RBFOX1: variants seen among roughly 807,000 people sequenced by gnomAD.
The protein encoded by RBFOX1 is RNA binding protein fox-1 homolog 1.
In RBFOX1, 8 loss-of-function variants were observed where a neutral mutation model predicts 57.7. The observed-to-expected ratio is 0.14, with a 90% CI of 0.08 to 0.25. The LOEUF is 0.25. RBFOX1 is among the 10% of genes least tolerant of loss of function. The pLI, the probability that RBFOX1 is intolerant of heterozygous loss-of-function variation, is 1.00. For missense variants in RBFOX1, 611 were observed against 548.5 expected (o/e 1.11, Z -1.14); for synonymous variants, 326 against 222.4 (o/e 1.47, Z -4.15).
chr16:5,553,488 T>G (rs998619099), intron 2 of RBFOX1, among the ~76,000 whole-genome samples: 1 of 151,954 alleles, frequency 6.6e-6, no homozygotes, highest in Non-Finnish European at 1.5e-5. Context: ...GCTAATTTTT[T>G]GTATTTTTAG....
rs143060420 is a variant in RBFOX1, at chr16:5,359,618, G to A, written c.220-107598G>A. ...TTGTCATTTTTAGGTCTGCTTTTGA[G>A]ATATGTCTATTCAAATCTTTTGCCT... On this transcript the variant is annotated intron_variant, in intron 1 of 2. Coordinates refer to the RBFOX1 transcript ENST00000585867. Among the ~76,000 whole-genome samples, 313 of 152,300 alleles carry A rather than the reference G, an allele frequency of 2.1e-3. 3 individuals are homozygous for A. Among genetic ancestry groups the A allele is most frequent in the South Asian group, 0.018 (89 of 4,824 alleles).
chr16:7,038,907 A>C (rs2045324235), intron 3 of RBFOX1, among the ~76,000 whole-genome samples: 1 of 152,228 alleles, frequency 6.6e-6, no homozygotes, highest in Non-Finnish European at 1.5e-5. Flanking sequence ...AGGTTTGTTC[A>C]AATTCTGTGG....
intron 4 of RBFOX1, among the ~76,000 whole-genome samples, chr16:7,300,359 C>T (rs1248181719): frequency 6.6e-6 from 1 of 152,146 alleles, no homozygotes; most frequent in Non-Finnish European, 1.5e-5. Flanking sequence ...TTTGAACAAG[C>T]CAGTGACTCA....
intron 1 of RBFOX1, among the ~76,000 whole-genome samples, chr16:5,298,033 T>C (rs931671620): frequency 1.3e-5 from 2 of 148,976 alleles, no homozygotes; most frequent in Non-Finnish European, 2.9e-5. Flanking sequence ...TTGAATTAAC[T>C]TTTTGCAGTC....
At chr16:6,872,322 C>T (rs934903599) in intron 3 of RBFOX1, among the ~76,000 whole-genome samples, 1 of 152,124 alleles carries the variant, frequency 6.6e-6, no homozygotes, top group Non-Finnish European at 1.5e-5. Context: ...GTCTCCCTCT[C>T]TTCCTTCCTC....
chr16:6,589,340 G>T (rs1439036930), intron 2 of RBFOX1, among the ~76,000 whole-genome samples: 1 of 152,180 alleles, frequency 6.6e-6, no homozygotes, highest in Non-Finnish European at 1.5e-5. Context: ...AGACCAGCGT[G>T]TTGTTATTAC....
intron 3 of RBFOX1, among the ~76,000 whole-genome samples, chr16:6,863,555 A>T (rs1304646633): frequency 6.6e-6 from 1 of 151,810 alleles, no homozygotes. Flanking sequence ...TACATAGATA[A>T]ATGTAAATAA....
At chr16:7,593,614 G>T (rs546673604) in intron 7 of RBFOX1, among the ~76,000 whole-genome samples, 2 of 152,162 alleles carry the variant, frequency 1.3e-5, no homozygotes, top group South Asian at 4.1e-4. Flanking sequence ...TCTCGATACA[G>T]TTCACCCTTG....
At chr16:6,900,537 C>T (rs983125437) in intron 3 of RBFOX1, among the ~76,000 whole-genome samples, 3 of 152,218 alleles carry the variant, frequency 2.0e-5, no homozygotes, top group African/African-American at 7.2e-5. Context: ...TCTCAACACT[C>T]ATCTGCTTCT....
intron 4 of RBFOX1, among the ~76,000 whole-genome samples, chr16:7,272,192 TA>T (rs1296249922): frequency 2.0e-5 from 3 of 152,206 alleles, no homozygotes; most frequent in African/African-American, 7.2e-5. Context: ...TTCCCTATTT[TA>T]TTTTTTTTGA....
intron 3 of RBFOX1, among the ~76,000 whole-genome samples, chr16:5,614,609 A>G (rs2047951297): frequency 6.6e-6 from 1 of 152,160 alleles, no homozygotes; most frequent in Non-Finnish European, 1.5e-5. Context: ...ATTATAGACG[A>G]TACATCTCCC....
chr16:7,143,704 A>C (rs770210423), intron 4 of RBFOX1, among the ~76,000 whole-genome samples: 2 of 151,922 alleles, frequency 1.3e-5, no homozygotes, highest in African/African-American at 4.8e-5. Context: ...AACTTCTCCA[A>C]AGTCCTTCAT....
At chr16:5,979,689 C>G (rs560515530) in intron 4 of RBFOX1, among the ~76,000 whole-genome samples, 2 of 152,002 alleles carry the variant, frequency 1.3e-5, no homozygotes, top group Non-Finnish European at 2.9e-5. Flanking sequence ...TGGTGAAACC[C>G]CATCTCTACT....
rs539694339 is a variant in RBFOX1 at position 6,639,343 on chromosome 16, A to C, written c.-63-15260A>C. On this transcript the variant is annotated intron_variant, in intron 2 of 15. Transcript: ENST00000550418. Reference sequence around the variant, plus strand: ...GAGTCCTTGTAGTGCTAGGATCTTTACAAGAGCGGTTTAGTAGGTGTTGAG... The same window carrying C: ...GAGTCCTTGTAGTGCTAGGATCTTTCCAAGAGCGGTTTAGTAGGTGTTGAG... Among the ~76,000 whole-genome samples the C allele has an allele frequency of 5.3e-5, 8 of 152,286 alleles. No individual in the cohort carries two copies. In the South Asian group the frequency reaches 1.7e-3, roughly 32 times the overall value.
chr16:6,115,668 T>G (rs552689625), intron 1 of RBFOX1, among the ~76,000 whole-genome samples: 68 of 152,294 alleles, frequency 4.5e-4, no homozygotes, highest in African/African-American at 1.6e-3. Context: ...AGACCCAGGA[T>G]TTTTGTGTTG....
At chr16:6,121,915 T>C (rs1156919691) in intron 1 of RBFOX1, among the ~76,000 whole-genome samples, 1 of 152,220 alleles carries the variant, frequency 6.6e-6, no homozygotes, top group Non-Finnish European at 1.5e-5. Context: ...TTTTATTTTA[T>C]TTTTGAGACA....
chr16:7,282,521 C>T (rs1041303252), intron 4 of RBFOX1, among the ~76,000 whole-genome samples: 2 of 151,976 alleles, frequency 1.3e-5, no homozygotes, highest in African/African-American at 2.4e-5. Flanking sequence ...GCACCCTCTC[C>T]CTGGAGCCTT....
At chr16:6,262,086 C>T (rs140455256) in intron 1 of RBFOX1, among the ~76,000 whole-genome samples, 7 of 151,678 alleles carry the variant, frequency 4.6e-5, no homozygotes, top group Middle Eastern at 3.2e-3. Context: ...TAAGGTGAAA[C>T]GTAGAGATGA....
chr16:6,058,833 T>TATCCATCCATCCATCC (rs35496154), intron 1 of RBFOX1, among the ~76,000 whole-genome samples: 1 of 134,310 alleles, frequency 7.4e-6, no homozygotes, highest in African/African-American at 2.6e-5. Flanking sequence ...CTCATTTATT[T>TATCCATCCATCCATCC]ATCCATCCAT....
Sources: allele counts gnomAD v4.1 joint callset (sites outside exome capture counted in the v4.1 genomes callset), GRCh38; gene constraint gnomAD v4.1.1; transcripts MANE v1.5; gene names NCBI Gene and HGNC (gene_info 2026-07-23, HGNC 2026-07-21).